The following TSNARE1 variants were observed in gnomAD, a reference collection of about 807,000 sequenced individuals.
TSNARE1 encodes t-SNARE domain containing 1, also known as t-SNARE domain-containing protein 1.
A neutral mutation model predicts 62.0 loss-of-function variants in TSNARE1; 49 were observed. That is an observed-to-expected ratio of 0.79 (90% confidence interval 0.63 to 1.00). The LOEUF (loss-of-function observed/expected upper bound fraction) is 1.00. Among genes scored for constraint, TSNARE1 ranks in the 50% least tolerant of loss-of-function variants. TSNARE1 has a pLI of 0.00. For missense variants in TSNARE1, 755 were observed against 700.1 expected (o/e 1.08, Z -0.88); for synonymous variants, 328 against 294.4 (o/e 1.11, Z -1.17).
intron 13 of TSNARE1, among the ~76,000 whole-genome samples, chr8:142,218,059 A>C (rs954263029): frequency 4.4e-5 from 3 of 68,796 alleles, no homozygotes; most frequent in Non-Finnish European, 8.7e-5. Context: ...CAGGGCTCAG[A>C]GTGTGAGCAG....
intron 12 of TSNARE1, chr8:142,269,971 T>G: frequency 7.1e-6 from 7 of 985,444 alleles, no homozygotes; most frequent in Non-Finnish European, 8.4e-6. Flanking sequence ...TGTAGTCTTT[T>G]GACTCTCGGC....
intron 12 of TSNARE1, among the ~76,000 whole-genome samples, chr8:142,256,215 C>T (rs1295039808): frequency 6.6e-5 from 9 of 136,148 alleles, no homozygotes; most frequent in African/African-American, 2.2e-4. Context: ...CTGTCACCAT[C>T]ACCATCACTA....
At chr8:142,273,367 C>T (rs1464378574) in intron 12 of TSNARE1, 1 of 985,274 alleles carries the variant, frequency 1.0e-6, no homozygotes, top group Non-Finnish European at 1.2e-6. Flanking sequence ...GTCCACCTTG[C>T]CCGTCACCAG....
intron 12 of TSNARE1, among the ~76,000 whole-genome samples, chr8:142,242,932 A>C: frequency 8.0e-6 from 1 of 125,164 alleles, no homozygotes; most frequent in South Asian, 2.9e-4. Context: ...GGGCAACAAG[A>C]GTGAAACTCT....
chr8:142,274,957 G>T, intron 11 of TSNARE1, 94 bp from the exon 12 acceptor site: 2 of 1,401,102 alleles, frequency 1.4e-6, no homozygotes, highest in South Asian at 1.6e-5. Context: ...GGGAGCCTGA[G>T]CCCAGGGCCT....
intron 12 of TSNARE1, among the ~76,000 whole-genome samples, chr8:142,239,339 A>G (rs1050879060): frequency 8.5e-5 from 13 of 152,244 alleles, no homozygotes; most frequent in Non-Finnish European, 1.3e-4. Context: ...GGTAAGAGCC[A>G]AGACAGGCCT....
At chr8:142,259,696 C>T (rs1818759530) in intron 12 of TSNARE1, among the ~76,000 whole-genome samples, 1 of 152,210 alleles carries the variant, frequency 6.6e-6, no homozygotes, top group African/African-American at 2.4e-5. Context: ...CAGCCTCTTA[C>T]AGGGCTGCCA....
At chr8:142,316,765 C>G (rs537784490) in intron 7 of TSNARE1, among the ~76,000 whole-genome samples, 1 of 151,842 alleles carries the variant, frequency 6.6e-6, no homozygotes, top group East Asian at 1.9e-4. Flanking sequence ...CGTTTTCTTG[C>G]GTGGGGGCAT....
chr8:142,312,744 T>C (rs1450069201), intron 9 of TSNARE1, among the ~76,000 whole-genome samples: 1 of 152,224 alleles, frequency 6.6e-6, no homozygotes, highest in East Asian at 1.9e-4. Flanking sequence ...TGCAATCCCC[T>C]TGTGCTCTAG....
intron 7 of TSNARE1, among the ~76,000 whole-genome samples, chr8:142,315,397 C>CCCCCTCA: frequency 6.6e-6 from 1 of 152,364 alleles, no homozygotes; most frequent in Admixed American, 6.5e-5. Flanking sequence ...TCTTCCACAG[C>CCCCCTCA]GCAGGACGTC....
chr8:142,267,614 T>C (rs61546730), intron 12 of TSNARE1, among the ~76,000 whole-genome samples: 13,731 of 152,104 alleles, frequency 0.09, 780 homozygotes, highest in East Asian at 0.3. Flanking sequence ...ATGGGGGACC[T>C]AGTGAGGGGA....
At chr8:142,376,750 G>A (rs1001781526) in intron 1 of TSNARE1, among the ~76,000 whole-genome samples, 5 of 152,182 alleles carry the variant, frequency 3.3e-5, no homozygotes, top group African/African-American at 4.8e-5. Flanking sequence ...CCCAGGGCCC[G>A]GGCATGGGGG....
chr8:142,258,475 T>C (rs1364568156), intron 12 of TSNARE1, among the ~76,000 whole-genome samples: 9 of 138,536 alleles, frequency 6.5e-5, no homozygotes, highest in African/African-American at 2.6e-4. Flanking sequence ...GCAGAACTTG[T>C]GCTTTTTTTT....
chr8:142,392,171 G>A (rs970718180), intron 1 of TSNARE1, among the ~76,000 whole-genome samples: 27 of 152,008 alleles, frequency 1.8e-4, no homozygotes, highest in African/African-American at 5.8e-4. Context: ...TTACAGGGGC[G>A]CACCACCATG....
At chr8:142,224,289 C>T (rs1036065778) in intron 13 of TSNARE1, among the ~76,000 whole-genome samples, 2 of 152,190 alleles carry the variant, frequency 1.3e-5, no homozygotes, top group Non-Finnish European at 2.9e-5. Context: ...GCGGGCTTTG[C>T]CCTAATGCCT....
intron 12 of TSNARE1, among the ~76,000 whole-genome samples, chr8:142,257,308 T>G (rs918207940): frequency 1.3e-5 from 2 of 151,994 alleles, no homozygotes; most frequent in African/African-American, 4.8e-5. Flanking sequence ...CAGGACAAGG[T>G]CCTCTGCAGG....
chr8:142,339,936 C>T (rs764285608), intron 4 of TSNARE1, among the ~76,000 whole-genome samples: 1 of 152,252 alleles, frequency 6.6e-6, no homozygotes, highest in African/African-American at 2.4e-5. Context: ...ATGCAGGCAA[C>T]TCCGCAGAGG....
intron 7 of TSNARE1, among the ~76,000 whole-genome samples, chr8:142,315,687 T>C (rs1392372347): frequency 6.6e-6 from 1 of 152,090 alleles, no homozygotes; most frequent in Non-Finnish European, 1.5e-5. Flanking sequence ...GCCCGCCTCA[T>C]TGCTCTGGCT....
chr8:142,226,807 C>T (rs1472637847), intron 13 of TSNARE1, among the ~76,000 whole-genome samples: 3 of 152,238 alleles, frequency 2.0e-5, no homozygotes, highest in East Asian at 3.9e-4. Context: ...TGGCAGGGCC[C>T]TTCCTAGGGC....
Sources: gnomAD v4.1 joint callset for allele counts (sites outside exome capture counted in the v4.1 genomes callset) on GRCh38, gnomAD v4.1.1 for gene constraint, MANE v1.5 for transcripts, NCBI Gene and HGNC (gene_info 2026-07-23, HGNC 2026-07-21) for gene names.